The following GRIK5 variants were observed in gnomAD, a reference collection of about 807,000 sequenced individuals.
The protein encoded by GRIK5 is glutamate ionotropic receptor kainate type subunit 5.
In GRIK5, 43 loss-of-function variants were observed where a neutral mutation model predicts 97.4. The ratio of observed to expected loss-of-function variants is 0.44; its 90% CI spans 0.35 to 0.57. GRIK5 has a LOEUF of 0.57. GRIK5 is among the 20% of genes least tolerant of loss of function. The pLI is 0.01. For missense variants in GRIK5, 1,015 were observed against 1,382.0 expected (o/e 0.73, Z 4.21); for synonymous variants, 580 against 583.5 (o/e 0.99, Z 0.09).
intron 11 of GRIK5, among the ~76,000 whole-genome samples, chr19:42,046,014 C>G (rs2146117557): frequency 6.6e-6 from 1 of 152,282 alleles, no homozygotes; most frequent in African/African-American, 2.4e-5. Flanking sequence ...GAATCAGAAA[C>G]TGAGAATCCT....
At chr19:42,028,839 C>A (rs1428526647) in intron 12 of GRIK5, among the ~76,000 whole-genome samples, 2 of 152,234 alleles carry the variant, frequency 1.3e-5, no homozygotes, top group Non-Finnish European at 2.9e-5. Context: ...CACAGTGATG[C>A]CCACTATATT....
intron 15 of GRIK5, among the ~76,000 whole-genome samples, chr19:42,010,188 T>C (rs2075545042): frequency 6.6e-6 from 1 of 151,800 alleles, no homozygotes; most frequent in African/African-American, 2.4e-5. Flanking sequence ...GAGAAATAAG[T>C]GGCTTTACCT....
In GRIK5 at chr19:42,065,970, C is replaced by T; in HGVS notation, c.-50-150G>A. 1 of 591,564 alleles carries T rather than the reference C, an allele frequency of 1.7e-6. No homozygotes were observed. The highest frequency in any genetic ancestry group is 2.8e-5 in the East Asian group (1 of 35,478). 36.6% of individuals were successfully genotyped at this position (591,564 alleles called of 1,614,324 possible). On this transcript the variant is annotated intron_variant, in intron 1 of 19. Transcript: ENST00000593562. The surrounding 1 kb of genome is among the most constrained non-coding windows in gnomAD (Gnocchi z 5.8). ...TGCAGAGCCCTGCTCTGTTTAGAAG[C>T]TGGCAATACTGAGGGCATTGCAAGA...
At chr19:42,000,271 G>A (rs1321491266) in intron 19 of GRIK5, among the ~76,000 whole-genome samples, 1 of 152,192 alleles carries the variant, frequency 6.6e-6, no homozygotes, top group African/African-American at 2.4e-5. Context: ...AGATTGTAGG[G>A]AGGCCAAGGC....
Position 42,002,012 on chromosome 19 carries a change from G to C in GRIK5, c.2514+1320C>G. ...GAGGGAGCCTGGGAAGGAGTGACCG[G>C]AGAAGTGGGAGAAGGGGAAGAAGGG... On this transcript the variant is annotated intron_variant, in intron 19 of 19. Transcript: ENST00000593562. The surrounding 1 kb of genome is among the most constrained non-coding windows in gnomAD (Gnocchi z 5.2). The C allele has an allele frequency of 1.6e-6, 1 of 627,170 alleles. No homozygotes were observed. Among genetic ancestry groups the C allele is most frequent in the East Asian group, 2.7e-5 (1 of 36,730 alleles). The allele number at this position is 627,170 out of a possible 1,614,324, so 38.9% of individuals were successfully genotyped here. A position where few individuals can be genotyped will look rare whatever the true frequency, so the allele number is the denominator to read the frequency against.
intron 17 of GRIK5, among the ~76,000 whole-genome samples, chr19:42,004,409 C>G (rs952172462): frequency 3.3e-5 from 5 of 152,138 alleles, no homozygotes; most frequent in Non-Finnish European, 7.3e-5. Flanking sequence ...TCTTCATTGA[C>G]TAAGATACTT....
At position 42,065,346 on chromosome 19, in the gene GRIK5, G is replaced by A; in HGVS notation, c.121C>T (p.Arg41Cys). Residue 41 changes from arginine (R) to cysteine (C), a missense_variant, in exon 3 of 20, where the codon CGT (arginine) becomes TGT (cysteine). Physicochemically the swap from Arg to Cys is radical, Grantham distance 180. Coordinates refer to ENST00000593562, the MANE Select transcript of GRIK5 (RefSeq NM_002088.5). The surrounding 1 kb of genome is among the most constrained non-coding windows in gnomAD (Gnocchi z 5.8). ...DDQTVCGRGE[R>C]LALALAREQI... is the part of the protein sequence containing the mutation. ...TCCCGGGCCAAGGCCAAGGCCAGAC[G>A]CTCACCGCGGCCACACACTGTCTGA... is the stretch of plus-strand genomic sequence containing the variant. The A allele has an allele frequency of 3.1e-6, 5 of 1,607,106 alleles. No homozygotes were observed. Among genetic ancestry groups the A allele is most frequent in the Non-Finnish European group, 4.2e-6 (5 of 1,176,896 alleles).
rs1487318643 is a variant in GRIK5 at position 42,065,374 on chromosome 19, A to G, written c.93T>C (p.Asp31=). The G allele has an allele frequency of 6.3e-7, 1 of 1,590,484 alleles. No individual in the cohort carries two copies. Among genetic ancestry groups the G allele is most frequent in the Non-Finnish European group, 8.6e-7 (1 of 1,166,110 alleles). ...CACCGCGGCCACACACTGTCTGATC[A>G]TCCAGGATTGCAGCTGAGGGGACAC... The part of the protein sequence containing the change: ...LSSLRMAAIL[D]DQTVCGRGER... Residue 31 remains aspartate (D), a synonymous_variant, in exon 3 of 20, where the codon GAT becomes GAC. Coordinates refer to ENST00000593562, the MANE Select transcript of GRIK5 (RefSeq NM_002088.5). This position sits in a 1 kb window ranked among gnomAD's most constrained non-coding sequence, Gnocchi z 5.8.
At chr19:42,045,357 G>A (rs929947509) in intron 11 of GRIK5, among the ~76,000 whole-genome samples, 4 of 152,204 alleles carry the variant, frequency 2.6e-5, no homozygotes, top group Non-Finnish European at 4.4e-5. Flanking sequence ...GCTGGAGGGT[G>A]AGTGAACCAA....
chr19:42,014,770 C>T (rs1207323028), intron 15 of GRIK5, among the ~76,000 whole-genome samples: 1 of 151,236 alleles, frequency 6.6e-6, no homozygotes, highest in African/African-American at 2.4e-5. Flanking sequence ...TCACCACACA[C>T]TTGGTCAGGT....
intron 11 of GRIK5, among the ~76,000 whole-genome samples, chr19:42,043,509 G>A (rs893604767): frequency 2.0e-5 from 3 of 150,338 alleles, no homozygotes; most frequent in East Asian, 2.0e-4. Context: ...GGGTTTAAGC[G>A]ATTCTCCTGC....
At chr19:42,054,261 GC>G in intron 9 of GRIK5, 58 bp downstream of exon 9, 1 of 1,543,660 alleles carries the variant, frequency 6.5e-7, no homozygotes, top group Non-Finnish European at 8.8e-7. Context: ...GTCACAGTGA[GC>G]GCTCCCACCT....
chr19:42,038,597 G>A (rs955017201), intron 12 of GRIK5, among the ~76,000 whole-genome samples: 1 of 152,238 alleles, frequency 6.6e-6, no homozygotes, highest in African/African-American at 2.4e-5. Flanking sequence ...CTCCATCAGT[G>A]TACTCCGAGC....
In GRIK5 at chr19:42,003,377, G is replaced by T. The variant is rs781850028; in HGVS notation, c.2469C>A (p.Val823=). 1.4e-5 allele frequency: 22 copies of T among 1,613,132 alleles called. No homozygotes were observed. The Admixed American group carries it at 3.7e-4, about 27-fold the overall frequency. ...TCCGTGTGGACCATATGAATTCCAT[G>T]ACCGCCACGAAGACAGCAATGATGA... ...CGLIIAVFVA[V]MEFIWSTRRS... is the part of the protein sequence containing the mutation. Residue 823 remains valine (V), a synonymous_variant, in exon 19 of 20, where the codon GTC becomes GTA. Coordinates refer to ENST00000593562, the MANE Select transcript of GRIK5 (RefSeq NM_002088.5). The surrounding 1 kb of genome is among the most constrained non-coding windows in gnomAD (Gnocchi z 4.2).
chr19:42,022,626 G>A lies in GRIK5; in HGVS notation c.1474-272C>T, dbSNP rs2075715125. The A allele has an allele frequency of 1.0e-6, 1 of 984,940 alleles. No homozygotes were observed. The highest frequency in any genetic ancestry group is 6.2e-5 in the Admixed American group (1 of 16,226). The allele number at this position is 984,940 out of a possible 1,614,324, so 61.0% of individuals were successfully genotyped here. A position where few individuals can be genotyped will look rare whatever the true frequency, so the allele number is the denominator to read the frequency against. On this transcript the variant is annotated intron_variant, in intron 12 of 19. Coordinates refer to ENST00000593562, the MANE Select transcript of GRIK5 (RefSeq NM_002088.5). The surrounding 1 kb of genome is among the most constrained non-coding windows in gnomAD (Gnocchi z 4.2). Reference sequence around the variant, plus strand: ...CAACTGTGTCCCAGCATCAAGGGCTGGGGATGGAGGGGTTCCCCAAACTCC... The same window carrying A: ...CAACTGTGTCCCAGCATCAAGGGCTAGGGATGGAGGGGTTCCCCAAACTCC...
chr19:42,037,841 G>A lies in GRIK5; in HGVS notation c.1473+4711C>T, dbSNP rs183476848. 2.2e-3 allele frequency among the ~76,000 whole-genome samples: 336 copies of A among 152,334 alleles called. 1 individual carries two copies. Among genetic ancestry groups the A allele is most frequent in the African/African-American group, 7.8e-3 (324 of 41,574 alleles). On this transcript the variant is annotated intron_variant, in intron 12 of 19. Transcript: ENST00000593562. ...GCCTGGCACCCTTACCACAGGGGGA[G>A]GTCCTTGACGGCCAGCTCAGCTCCA...
At chr19:42,066,140 T>C (rs1403322367) in intron 1 of GRIK5, among the ~76,000 whole-genome samples, 1 of 152,112 alleles carries the variant, frequency 6.6e-6, no homozygotes, top group Non-Finnish European at 1.5e-5. Context: ...AGTGAATTCC[T>C]GGGACCAGCC....
intron 8 of GRIK5, among the ~76,000 whole-genome samples, chr19:42,056,330 C>T (rs1297068960): frequency 6.6e-6 from 1 of 152,108 alleles, no homozygotes; most frequent in Non-Finnish European, 1.5e-5. Flanking sequence ...AATCTTATAC[C>T]TGAGGGGACA....
intron 1 of GRIK5, chr19:42,068,991 G>A (rs890670755): frequency 5.5e-6 from 3 of 544,148 alleles, no homozygotes; most frequent in Non-Finnish European, 9.9e-6. Context: ...AGAGCAATCA[G>A]CCCCGTAGGA....
Sources: gnomAD v4.1 joint callset for allele counts (sites outside exome capture counted in the v4.1 genomes callset) on GRCh38, gnomAD v4.1.1 for gene constraint, Gnocchi (gnomAD v3.1) non-coding constraint, MANE v1.5 for transcripts, NCBI Gene and HGNC (gene_info 2026-07-23, HGNC 2026-07-21) for gene names.